Variants in CSMD2 observed in about 807,000 individuals in gnomAD.
CSMD2 encodes the protein CUB and sushi domain-containing protein 2.
A neutral mutation model predicts 398.5 loss-of-function variants in CSMD2; 130 were observed. The observed-to-expected ratio is 0.33, with a 90% CI of 0.28 to 0.38. The LOEUF (loss-of-function observed/expected upper bound fraction) is 0.38. CSMD2 is among the 10% of genes least tolerant of loss of function. The probability of loss-of-function intolerance (pLI) is 1.00; values close to 1 mark genes in which losing one functional copy is unlikely to be tolerated. For synonymous variants in CSMD2, 1,828 were observed against 1,908.5 expected (o/e 0.96, Z 1.10); for missense variants, 3,829 against 4,764.9 (o/e 0.80, Z 5.78).
chr1:33,723,741 A>G (rs947676437), intron 19 of CSMD2, among the ~76,000 whole-genome samples: 2 of 152,204 alleles, frequency 1.3e-5, no homozygotes, highest in Non-Finnish European at 2.9e-5. Flanking sequence ...ATGCTCCTCC[A>G]GGATGCAATA....
At chr1:33,677,676 C>A (rs1010819904) in intron 25 of CSMD2, among the ~76,000 whole-genome samples, 1 of 151,948 alleles carries the variant, frequency 6.6e-6, no homozygotes, top group Non-Finnish European at 1.5e-5. Context: ...TATGGCGGCA[C>A]TATTCACAAT....
chr1:33,966,651 A>G (rs1260900766), intron 3 of CSMD2, among the ~76,000 whole-genome samples: 1 of 152,250 alleles, frequency 6.6e-6, no homozygotes, highest in Non-Finnish European at 1.5e-5. Flanking sequence ...TAGCAAGAAA[A>G]TAGAAGCTGC....
Position 33,674,723 on chromosome 1 carries a change from G to A in CSMD2, c.4053-11631C>T, listed in dbSNP as rs186149348. 5.3e-4 allele frequency among the ~76,000 whole-genome samples: 81 copies of A among 152,272 alleles called. No individual in the cohort carries two copies. The East Asian group carries it at 0.014, about 27-fold the overall frequency. On this transcript the variant is annotated intron_variant, in intron 25 of 70. Coordinates refer to ENST00000373381, the MANE Select transcript of CSMD2 (RefSeq NM_001281956.2). ...ATAGTTGGAAGTAAAGAACTCCTCA[G>A]CAAATGTAAAAGAACAGAAATTATA...
At chr1:33,538,176 T>G (rs532251307) in intron 60 of CSMD2, among the ~76,000 whole-genome samples, 7 of 152,372 alleles carry the variant, frequency 4.6e-5, no homozygotes, top group Non-Finnish European at 2.9e-5. Flanking sequence ...TCACCTGTTT[T>G]GTTTTCTTTT....
intron 44 of CSMD2, among the ~76,000 whole-genome samples, chr1:33,590,981 CTTTTTTTTTTTTTTT>C (rs11374822): frequency 1.5e-5 from 1 of 67,170 alleles, no homozygotes; most frequent in Non-Finnish European, 2.6e-5. Flanking sequence ...TTTTATTTAT[CTTTTTTTTTTTTTTT>C]TTTTTTTTTG....
At chr1:33,815,826 C>T (rs1162326776) in intron 9 of CSMD2, among the ~76,000 whole-genome samples, 1 of 152,160 alleles carries the variant, frequency 6.6e-6, no homozygotes, top group Non-Finnish European at 1.5e-5. Flanking sequence ...ATTCTCAGGG[C>T]TGGAGCAATG....
At chr1:33,791,487 C>A (rs973609466) in intron 11 of CSMD2, among the ~76,000 whole-genome samples, 22 of 151,434 alleles carry the variant, frequency 1.5e-4, no homozygotes, top group African/African-American at 5.3e-4. Context: ...CATTTCCTGA[C>A]TTTTTTTTTC....
chr1:34,070,330 T>C (rs1306350045), intron 2 of CSMD2, among the ~76,000 whole-genome samples: 3 of 152,184 alleles, frequency 2.0e-5, no homozygotes, highest in Admixed American at 2.0e-4. Context: ...CTCTGTCCTT[T>C]AGGGTAGATG....
chr1:33,784,517 C>T (rs1360530247), intron 12 of CSMD2, among the ~76,000 whole-genome samples: 1 of 152,260 alleles, frequency 6.6e-6, no homozygotes, highest in Non-Finnish European at 1.5e-5. Context: ...TTCCAACGCA[C>T]TGTGAGGCCT....
intron 32 of CSMD2, among the ~76,000 whole-genome samples, chr1:33,632,065 T>C (rs894126001): frequency 2.0e-5 from 3 of 152,056 alleles, no homozygotes; most frequent in Non-Finnish European, 4.4e-5. Context: ...ATATGTAAAT[T>C]TGGCATTTTG....
intron 5 of CSMD2, among the ~76,000 whole-genome samples, chr1:33,912,131 G>C (rs896165409): frequency 1.3e-5 from 2 of 152,196 alleles, no homozygotes; most frequent in African/African-American, 4.8e-5. Flanking sequence ...TGAATGTTTG[G>C]TGGAGTTTAT....
chr1:34,077,426 C>T (rs1321557141), intron 2 of CSMD2, among the ~76,000 whole-genome samples: 15 of 111,702 alleles, frequency 1.3e-4, no homozygotes, highest in African/African-American at 4.4e-4. Flanking sequence ...CACTGCAATC[C>T]GGCCTGGGCT....
In CSMD2 at chr1:33,559,411, G is replaced by A. The variant is rs1658345800; in HGVS notation, c.8443C>T (p.Leu2815Phe). ...NGLTQGNQFN[L>F]NDVVKFVCNP... is the part of the protein sequence containing the mutation. ...CAAACAAACTTGACCACATCGTTGA[G>A]GTTAAACTGGTTACCCTGAGTGAGG... Residue 2815 changes from leucine to phenylalanine, a missense_variant, in exon 54 of 71, where the codon CTC (leucine) becomes TTC (phenylalanine). By Grantham distance (22) the Leu-to-Phe change is conservative. Around this residue, in one of 5 missense-constraint regions of CSMD2, gnomAD observed 917 missense variants for 1,199.5 expected, o/e 0.76. Transcript: ENST00000373381. This position sits in a 1 kb window ranked among gnomAD's most constrained non-coding sequence, Gnocchi z 4.0. The A allele has an allele frequency of 6.5e-7, 1 of 1,536,154 alleles. No homozygotes were observed. The highest frequency in any genetic ancestry group is 1.2e-5 in the South Asian group (1 of 84,056).
chr1:33,672,738 C>A (rs1053645753), intron 25 of CSMD2, among the ~76,000 whole-genome samples: 4 of 152,198 alleles, frequency 2.6e-5, no homozygotes, highest in African/African-American at 9.6e-5. Flanking sequence ...ACACCTCACA[C>A]GGCTGGGTAC....
At chr1:33,830,123 A>C (rs1192234845) in intron 6 of CSMD2, among the ~76,000 whole-genome samples, 1 of 152,234 alleles carries the variant, frequency 6.6e-6, no homozygotes, top group Non-Finnish European at 1.5e-5. Flanking sequence ...CTGCAGACTT[A>C]AATGCCCCCA....
intron 16 of CSMD2, 90 bp downstream of exon 16, chr1:33,726,457 C>T: frequency 7.0e-7 from 1 of 1,433,336 alleles, no homozygotes. Context: ...AGCGTTGGTA[C>T]TGGTCCCCTA....
intron 3 of CSMD2, among the ~76,000 whole-genome samples, chr1:33,948,030 G>C (rs1227062413): frequency 1.3e-5 from 2 of 152,182 alleles, no homozygotes; most frequent in African/African-American, 4.8e-5. Context: ...AAGAGTTGGT[G>C]AGTCATAAGA....
At chr1:33,910,569 A>G (rs140046874) in intron 5 of CSMD2, among the ~76,000 whole-genome samples, 119 of 152,280 alleles carry the variant, frequency 7.8e-4, no homozygotes, top group Non-Finnish European at 1.0e-3. Context: ...GATCCAGCCA[A>G]TGAGGACATC....
chr1:33,809,513 T>A (rs894695905), intron 10 of CSMD2, among the ~76,000 whole-genome samples: 7 of 152,060 alleles, frequency 4.6e-5, no homozygotes, highest in African/African-American at 1.4e-4. Flanking sequence ...TCCCTAATTC[T>A]ATTATAAAAG....
Sources: gnomAD v4.1 joint callset for allele counts (sites outside exome capture counted in the v4.1 genomes callset) on GRCh38, gnomAD v4.1.1 for gene constraint, gnomAD v4.1.1 regional missense constraint, Gnocchi (gnomAD v3.1) non-coding constraint, MANE v1.5 for transcripts, NCBI Gene and HGNC (gene_info 2026-07-23, HGNC 2026-07-21) for gene names.